Variants in IFFO2 observed in about 807,000 individuals in gnomAD.
The protein encoded by IFFO2 is intermediate filament family orphan 2.
Under a neutral mutation model 53.5 loss-of-function variants are expected in IFFO2, and 19 were observed. The ratio of observed to expected loss-of-function variants is 0.36; its 90% CI spans 0.25 to 0.52. The LOEUF is 0.52. Ranked by LOEUF, IFFO2 falls within the 20% of genes least tolerant of loss-of-function variation. The pLI is 0.94. For synonymous variants in IFFO2, 303 were observed against 313.6 expected, an observed-to-expected ratio of 0.97 and a Z score of 0.36; for missense variants, 570 against 727.4, an observed-to-expected ratio of 0.78 and a Z score of 2.49.
chr1:18,927,378 C>T lies in IFFO2; in HGVS notation c.666-6257G>A, dbSNP rs994848133. On this transcript the variant is annotated intron_variant, in intron 1 of 8. Transcript: ENST00000455833. ...GTGGAAGACTTCATTCTGGGCCAAG[C>T]GTGGGCCTGGCCTCTGGCAGAGGGC... Among the ~76,000 whole-genome samples the T allele has an allele frequency of 4.1e-4, 62 of 152,360 alleles. 1 individual carries two copies. The highest frequency in any genetic ancestry group is 2.1e-4 in the South Asian group (1 of 4,830).
chr1:18,937,111 A>G (rs1936459523), intron 1 of IFFO2, among the ~76,000 whole-genome samples: 1 of 152,192 alleles, frequency 6.6e-6, no homozygotes, highest in African/African-American at 2.4e-5. Flanking sequence ...TCCAGAGACT[A>G]GGAGCTGCCT....
In IFFO2 at chr1:18,926,058, T is replaced by TTGGA. The variant is rs1197590902; in HGVS notation, c.666-4941_666-4938dup. Among the ~76,000 whole-genome samples the TTGGA allele has an allele frequency of 2.5e-4, 12 of 48,258 alleles. 1 individual carries two copies. Among genetic ancestry groups the TTGGA allele is most frequent in the East Asian group, 7.1e-4 (1 of 1,410 alleles). The allele number at this position is 48,258 out of a possible 152,430, so 31.7% of individuals were successfully genotyped here. Reference sequence around the variant, plus strand: ...ATGGATGGATGGATGGATGGATTGGTTGGATGGATGGATGGATGGATGGAT... The same window carrying TTGGA: ...ATGGATGGATGGATGGATGGATTGGTTGGATGGATGGATGGATGGATGGATGGAT... On this transcript the variant is annotated intron_variant, in intron 1 of 8. Coordinates refer to ENST00000455833, the MANE Select transcript of IFFO2 (RefSeq NM_001136265.2).
chr1:18,918,429 T>A lies in IFFO2; in HGVS notation c.896A>T (p.Asp299Val). The A allele has an allele frequency of 6.4e-7, 1 of 1,560,830 alleles. No homozygotes were observed. Reference protein sequence around the residue: ...KVDMDICRRIDITAKLCDVAQ... With the variant: ...KVDMDICRRIVITAKLCDVAQ... The stretch of plus-strand genomic sequence containing the variant: ...GACATCGCACAGCTTGGCCGTGATA[T>A]CGATTCGGCGGCAGATGTCCATGTC... Residue 299 changes from aspartate to valine, a missense_variant, in exon 4 of 9, where the codon GAT (aspartate) becomes GTT (valine). By Grantham distance (152) the Asp-to-Val change is radical. Transcript: ENST00000455833. This position sits in a 1 kb window ranked among gnomAD's most constrained non-coding sequence, Gnocchi z 5.2.
intron 1 of IFFO2, among the ~76,000 whole-genome samples, chr1:18,924,742 C>T (rs116691906): frequency 0.015 from 2,275 of 152,314 alleles, 30 homozygotes; most frequent in East Asian, 0.05. Context: ...CCATTTTCCT[C>T]GAGTCTCCCT....
In IFFO2 at chr1:18,948,151, C is replaced by T. The variant is rs186695955; in HGVS notation, c.665+7517G>A. ...TAGCACAAAGTAGGTGCTCAATAAA[C>T]GGAAGCATTAAGCCATATTGATTTA... is the stretch of plus-strand genomic sequence containing the variant. On this transcript the variant is annotated intron_variant, in intron 1 of 8. Transcript: ENST00000455833. Among the ~76,000 whole-genome samples the T allele has an allele frequency of 1.8e-3, 281 of 152,338 alleles. 1 individual carries two copies. Among genetic ancestry groups the T allele is most frequent in the African/African-American group, 6.0e-3 (250 of 41,566 alleles).
intron 1 of IFFO2, among the ~76,000 whole-genome samples, chr1:18,925,826 GGATGGATGGA>G: frequency 1.2e-5 from 1 of 82,652 alleles, no homozygotes; most frequent in African/African-American, 4.8e-5. Flanking sequence ...ATGGATGGAT[GGATGGATGGA>G]TGGATGGATG....
chr1:18,910,181 T>A (rs1936012892), intron 8 of IFFO2, among the ~76,000 whole-genome samples, 161 bp downstream of exon 8: 2 of 150,098 alleles, frequency 1.3e-5, no homozygotes, highest in Admixed American at 1.3e-4. Context: ...GGTGTGCTAA[T>A]AGTCACTGGA....
At chr1:18,925,960 TTGGATGGA>T (rs1195833041) in intron 1 of IFFO2, among the ~76,000 whole-genome samples, 1 of 38,498 alleles carries the variant, frequency 2.6e-5, no homozygotes, top group East Asian at 9.2e-4. Context: ...GATGGATTGG[TTGGATGGA>T]TGGATGGATG....
rs541081873 is a variant in IFFO2, at chr1:18,918,462, A to G, written c.863T>C (p.Met288Thr). Residue 288 changes from methionine to threonine, a missense_variant, in exon 4 of 9, where the codon ATG (methionine) becomes ACG (threonine). Met to Thr is a moderately conservative substitution (Grantham distance 81). Coordinates refer to ENST00000455833, the MANE Select transcript of IFFO2 (RefSeq NM_001136265.2). This position sits in a 1 kb window ranked among gnomAD's most constrained non-coding sequence, Gnocchi z 5.2. ...DLDTKIQEKA[M>T]KVDMDICRRI... is the part of the protein sequence containing the mutation. ...GCGGCAGATGTCCATGTCCACCTTC[A>G]TGGCCTTTTCTTGGATCTTTGTGTC... 1.1e-4 allele frequency: 169 copies of G among 1,560,946 alleles called. No homozygotes were observed. The highest frequency in any genetic ancestry group is 1.4e-4 in the Non-Finnish European group (166 of 1,152,246).
At chr1:18,927,382 G>A (rs1482564495) in intron 1 of IFFO2, among the ~76,000 whole-genome samples, 1 of 152,238 alleles carries the variant, frequency 6.6e-6, no homozygotes, top group Non-Finnish European at 1.5e-5. Context: ...GCCAAGCGTG[G>A]GCCTGGCCTC....
At position 18,955,737 on chromosome 1, in the gene IFFO2, G is replaced by A. The variant is rs1437438697; in HGVS notation, c.596C>T (p.Thr199Met). 6.3e-7 allele frequency: 1 copy of A among 1,589,558 alleles called. No homozygotes were observed. The highest frequency in any genetic ancestry group is 8.5e-7 in the Non-Finnish European group (1 of 1,171,546). Residue 199 changes from threonine (T) to methionine (M), a missense_variant, in exon 1 of 9, where the codon ACG becomes ATG. Physicochemically the swap from Thr to Met is moderately conservative, Grantham distance 81 (BLOSUM62 -1). Transcript: ENST00000455833. ...GTTGTAGAGCGCGCGGATCTCCGGC[G>A]TGATGGTGTCGATCTGCACGCCCAC... The part of the protein sequence containing the change: ...DGVGVQIDTI[T>M]PEIRALYNVL...
At chr1:18,942,585 A>G (rs1316669904) in intron 1 of IFFO2, among the ~76,000 whole-genome samples, 1 of 152,244 alleles carries the variant, frequency 6.6e-6, no homozygotes, top group Admixed American at 6.5e-5. Context: ...GTCACCTCAG[A>G]GCCAGAGTTC....
chr1:18,923,889 C>T (rs567581382), intron 1 of IFFO2, among the ~76,000 whole-genome samples: 20 of 152,202 alleles, frequency 1.3e-4, no homozygotes, highest in Non-Finnish European at 2.6e-4. Flanking sequence ...TCACCTCTCC[C>T]TTCCTGCCCC....
intron 5 of IFFO2, 113 bp from the exon 6 acceptor site, chr1:18,912,196 C>A (rs1211061218): frequency 3.1e-6 from 4 of 1,289,882 alleles, no homozygotes; most frequent in Non-Finnish European, 4.2e-6. Context: ...AGGCTGTCCT[C>A]AGGAAAGACA....
Position 18,949,483 on chromosome 1 carries a change from G to A in IFFO2, c.665+6185C>T, listed in dbSNP as rs116039245. Among the ~76,000 whole-genome samples, 382 of 152,342 alleles carry A rather than the reference G, an allele frequency of 2.5e-3. 2 individuals are homozygous for A. Among genetic ancestry groups the A allele is most frequent in the African/African-American group, 8.7e-3 (363 of 41,584 alleles). On this transcript the variant is annotated intron_variant, in intron 1 of 8. Transcript: ENST00000455833. ...GACATGACAGGGCTGCCTCCTTCCC[G>A]TCCCGGGCCTTCAGCCATCCGCGAC...
At chr1:18,912,664 C>A (rs867954108) in intron 5 of IFFO2, among the ~76,000 whole-genome samples, 1 of 152,212 alleles carries the variant, frequency 6.6e-6, no homozygotes, top group South Asian at 2.1e-4. Flanking sequence ...AGCCACTAAG[C>A]ATGCAGCAAA....
intron 1 of IFFO2, among the ~76,000 whole-genome samples, chr1:18,948,396 A>C (rs1260897722): frequency 6.6e-6 from 1 of 152,234 alleles, no homozygotes; most frequent in Non-Finnish European, 1.5e-5. Flanking sequence ...CACTGTCCCC[A>C]TTCCCACGTG....
intron 8 of IFFO2, 62 bp from the exon 9 acceptor site, chr1:18,908,728 G>A (rs1445318491): frequency 2.4e-6 from 3 of 1,239,262 alleles, no homozygotes; most frequent in East Asian, 2.6e-5. Flanking sequence ...AAGGGTCAAG[G>A]AGTGGGAAGG....
intron 5 of IFFO2, among the ~76,000 whole-genome samples, chr1:18,915,259 G>A (rs1013299874): frequency 6.6e-6 from 1 of 152,194 alleles, no homozygotes; most frequent in Admixed American, 6.5e-5. Context: ...GCTCTGCAGG[G>A]AGGTTAGGAG....
Sources: gnomAD v4.1 joint callset for allele counts (sites outside exome capture counted in the v4.1 genomes callset) on GRCh38, gnomAD v4.1.1 for gene constraint, Gnocchi (gnomAD v3.1) non-coding constraint, MANE v1.5 for transcripts, NCBI Gene and HGNC (gene_info 2026-07-23, HGNC 2026-07-21) for gene names.